Variants in DACH2 observed in about 807,000 individuals in gnomAD.
DACH2 encodes the protein dachshund homolog 2.
DACH2 carries 17 observed loss-of-function variants against 35.8 expected under a neutral mutation model. That is an observed-to-expected ratio of 0.48 (90% CI 0.33 to 0.71). The LOEUF (loss-of-function observed/expected upper bound fraction) is 0.71. DACH2 is among the 30% of genes least tolerant of loss of function. The probability of loss-of-function intolerance (pLI) is 0.02; values close to 1 mark genes in which losing one functional copy is unlikely to be tolerated. For missense variants in DACH2, 469 were observed against 472.7 expected (o/e 0.99, Z 0.07); for synonymous variants, 195 against 177.3 (o/e 1.10, Z -0.79).
intron 1 of DACH2, among the ~76,000 whole-genome samples, chrX:86,251,831 A>G (rs909342797): frequency 6.3e-5 from 7 of 111,398 alleles, no homozygotes; most frequent in African/African-American, 2.3e-4. Context: ...TCGTATAATG[A>G]CTTATTTTCC....
intron 2 of DACH2, among the ~76,000 whole-genome samples, chrX:86,511,079 C>A (rs2038389841): frequency 9.0e-6 from 1 of 111,483 alleles, no homozygotes; most frequent in Non-Finnish European, 1.9e-5. Context: ...TGTTTATTTG[C>A]CTTGATTAAT....
chrX:86,481,285 T>A (rs759038331), intron 2 of DACH2, among the ~76,000 whole-genome samples: 7 of 111,929 alleles, frequency 6.3e-5, no homozygotes, highest in African/African-American at 9.7e-5. Context: ...TGAACTCTGA[T>A]CCTGTATAAT....
chrX:86,446,161 T>G (rs935712696), intron 2 of DACH2, among the ~76,000 whole-genome samples: 1 of 111,199 alleles, frequency 9.0e-6, no homozygotes, highest in African/African-American at 3.3e-5. Flanking sequence ...GCTACAAGTA[T>G]AGCTACTCCT....
At chrX:86,494,963 T>C (rs1163546415) in intron 2 of DACH2, among the ~76,000 whole-genome samples, 1 of 112,478 alleles carries the variant, frequency 8.9e-6, no homozygotes. Context: ...TAACAAGTTT[T>C]GTTTAACCCA....
chrX:86,241,208 T>C (rs1259630181), intron 1 of DACH2, among the ~76,000 whole-genome samples: 1 of 111,824 alleles, frequency 8.9e-6, no homozygotes, highest in Non-Finnish European at 1.9e-5. Flanking sequence ...TAGAGACTTG[T>C]TGTATGGTTT....
intron 3 of DACH2, among the ~76,000 whole-genome samples, chrX:86,631,073 C>A (rs1210678111): frequency 8.9e-6 from 1 of 112,091 alleles, no homozygotes; most frequent in Non-Finnish European, 1.9e-5. Context: ...ATTTTGAGAT[C>A]CTTCCAAAGC....
chrX:86,572,090 T>C, intron 3 of DACH2, among the ~76,000 whole-genome samples: 1 of 110,905 alleles, frequency 9.0e-6, no homozygotes, highest in East Asian at 2.9e-4. Flanking sequence ...CCACGGCCTG[T>C]TGCGGGGTGC....
At chrX:86,469,546 A>G (rs1335618649) in intron 2 of DACH2, among the ~76,000 whole-genome samples, 5 of 111,196 alleles carry the variant, frequency 4.5e-5, no homozygotes, top group Non-Finnish European at 9.4e-5. Flanking sequence ...TTGGAAATTA[A>G]GGATTTGCTT....
intron 7 of DACH2, among the ~76,000 whole-genome samples, chrX:86,778,581 T>C (rs1005187465): frequency 5.4e-5 from 6 of 111,834 alleles, no homozygotes; most frequent in African/African-American, 1.9e-4. Flanking sequence ...ACATTCATTA[T>C]GCCCCGAGAA....
chrX:86,157,116 T>C (rs1316280551), intron 1 of DACH2, among the ~76,000 whole-genome samples: 3 of 111,642 alleles, frequency 2.7e-5, no homozygotes, highest in Non-Finnish European at 1.9e-5. Flanking sequence ...GGTGGAAACT[T>C]TGTAATTATA....
chrX:86,794,271 G>T (rs143935816), intron 7 of DACH2, among the ~76,000 whole-genome samples: 9 of 110,497 alleles, frequency 8.1e-5, no homozygotes, highest in Non-Finnish European at 1.5e-4. Flanking sequence ...CTTTGAAAGC[G>T]TATGCCACAG....
chrX:86,550,932 A>G (rs1473729073), intron 3 of DACH2, among the ~76,000 whole-genome samples: 1 of 111,707 alleles, frequency 9.0e-6, no homozygotes, highest in Non-Finnish European at 1.9e-5. Flanking sequence ...TGAAGGGTGC[A>G]AAGGGGGAAT....
At chrX:86,396,589 T>C (rs1392205027) in intron 2 of DACH2, among the ~76,000 whole-genome samples, 4 of 107,501 alleles carry the variant, frequency 3.7e-5, no homozygotes, top group African/African-American at 6.9e-5. Context: ...AGGGATCCAG[T>C]TTCAGCTTTC....
intron 4 of DACH2, among the ~76,000 whole-genome samples, chrX:86,671,753 T>C (rs1207863591): frequency 1.8e-5 from 2 of 111,834 alleles, no homozygotes; most frequent in South Asian, 3.8e-4. Context: ...TAATACAGAA[T>C]ATTAGTACTG....
intron 1 of DACH2, among the ~76,000 whole-genome samples, chrX:86,360,733 C>T (rs1368814685): frequency 9.0e-6 from 1 of 110,729 alleles, no homozygotes; most frequent in Admixed American, 9.7e-5. Context: ...TTTCGTAAAA[C>T]AAAATTAAAT....
At chrX:86,321,499 C>T (rs1321395562) in intron 1 of DACH2, among the ~76,000 whole-genome samples, 2 of 111,799 alleles carry the variant, frequency 1.8e-5, no homozygotes, top group African/African-American at 3.3e-5. Flanking sequence ...GGTCCTAGTC[C>T]TTTGGCCCTC....
At chrX:86,322,389 A>T (rs932339521) in intron 1 of DACH2, among the ~76,000 whole-genome samples, 1 of 110,937 alleles carries the variant, frequency 9.0e-6, no homozygotes, top group Non-Finnish European at 1.9e-5. Flanking sequence ...GATAAAAGGC[A>T]TCCCTTAGTC....
At chrX:86,679,639 T>C (rs2040858477) in intron 4 of DACH2, among the ~76,000 whole-genome samples, 1 of 108,235 alleles carries the variant, frequency 9.2e-6, no homozygotes, top group Non-Finnish European at 1.9e-5. Context: ...TGTGTGTGTG[T>C]GTGTGTGTGT....
intron 3 of DACH2, among the ~76,000 whole-genome samples, chrX:86,635,863 G>T (rs1355339570): frequency 9.0e-6 from 1 of 111,045 alleles, no homozygotes; most frequent in African/African-American, 3.3e-5. Flanking sequence ...ACTGAACACT[G>T]CCCAAAGAAA....
Sources: gnomAD v4.1 joint callset for allele counts (sites outside exome capture counted in the v4.1 genomes callset) on GRCh38, gnomAD v4.1.1 for gene constraint, MANE v1.5 for transcripts, NCBI Gene and HGNC (gene_info 2026-07-23, HGNC 2026-07-21) for gene names.